Variants in NPAS3 observed in about 807,000 individuals in gnomAD.
NPAS3 encodes the protein neuronal PAS domain-containing protein 3.
NPAS3 carries 14 observed loss-of-function variants against 73.1 expected under a neutral mutation model. The ratio of observed to expected loss-of-function variants is 0.19; its 90% CI spans 0.13 to 0.30. NPAS3 has a LOEUF of 0.30. Ranked by LOEUF, NPAS3 falls within the 10% of genes least tolerant of loss-of-function variation. The pLI is 1.00. For synonymous variants in NPAS3, 620 were observed against 541.5 expected (o/e 1.14, Z -2.01); for missense variants, 1,096 against 1,250.0 (o/e 0.88, Z 1.86).
At chr14:33,059,329 G>A (rs977127746) in intron 2 of NPAS3, among the ~76,000 whole-genome samples, 1 of 152,094 alleles carries the variant, frequency 6.6e-6, no homozygotes, top group Non-Finnish European at 1.5e-5. Flanking sequence ...AAACAAGCAG[G>A]AATATAAAAC....
chr14:32,962,557 CT>C (rs1365128018), intron 1 of NPAS3, among the ~76,000 whole-genome samples: 2 of 132,840 alleles, frequency 1.5e-5, no homozygotes, highest in Admixed American at 7.4e-5. Context: ...TTCTTTCTTT[CT>C]TTTTTCTTTT....
chr14:33,231,528 A>G (rs535007824), intron 3 of NPAS3, among the ~76,000 whole-genome samples: 32 of 152,264 alleles, frequency 2.1e-4, no homozygotes, highest in South Asian at 1.0e-3. Context: ...TTAATGTTCT[A>G]GTATGGTGAT....
At chr14:32,951,456 G>A (rs1397736899) in intron 1 of NPAS3, among the ~76,000 whole-genome samples, 10 of 151,958 alleles carry the variant, frequency 6.6e-5, no homozygotes, top group Admixed American at 5.3e-4. Context: ...ATCTTTGAAA[G>A]GAAACATCTT....
chr14:33,458,009 C>T (rs2050098949), intron 4 of NPAS3, among the ~76,000 whole-genome samples: 1 of 152,182 alleles, frequency 6.6e-6, no homozygotes, highest in Non-Finnish European at 1.5e-5. Flanking sequence ...TGTGTTTTTA[C>T]ATCTGGCATA....
chr14:33,315,018 G>A (rs1417826585), intron 3 of NPAS3, among the ~76,000 whole-genome samples: 2 of 151,980 alleles, frequency 1.3e-5, no homozygotes, highest in Non-Finnish European at 2.9e-5. Flanking sequence ...ATCATCAAAG[G>A]GCAACATGGC....
intron 2 of NPAS3, among the ~76,000 whole-genome samples, chr14:33,195,186 A>G (rs1456368745): frequency 6.6e-6 from 1 of 152,124 alleles, no homozygotes; most frequent in Non-Finnish European, 1.5e-5. Flanking sequence ...GCATACTTAA[A>G]AAATGCAAGC....
chr14:32,988,613 G>A (rs1336496386), intron 1 of NPAS3, among the ~76,000 whole-genome samples: 1 of 152,142 alleles, frequency 6.6e-6, no homozygotes. Context: ...GGACCCTGGA[G>A]GTTGAATCTG....
At chr14:33,207,997 A>G (rs1958023) in intron 2 of NPAS3, among the ~76,000 whole-genome samples, 51,387 of 151,980 alleles carry the variant, frequency 0.34, 9,037 homozygotes, top group East Asian at 0.55. Flanking sequence ...TCAATTGTGA[A>G]GTGATTAGCT....
chr14:33,399,423 A>G (rs1469374019), intron 4 of NPAS3, among the ~76,000 whole-genome samples: 2 of 152,088 alleles, frequency 1.3e-5, no homozygotes, highest in African/African-American at 4.8e-5. Flanking sequence ...AAGAGCAACA[A>G]GGAGAATGAG....
At chr14:32,958,776 A>G (rs1200671671) in intron 1 of NPAS3, among the ~76,000 whole-genome samples, 1 of 152,256 alleles carries the variant, frequency 6.6e-6, no homozygotes, top group African/African-American at 2.4e-5. Context: ...TCAGTATATT[A>G]TACATGAAAT....
At chr14:33,403,945 T>A (rs557652913) in intron 4 of NPAS3, among the ~76,000 whole-genome samples, 26 of 152,150 alleles carry the variant, frequency 1.7e-4, no homozygotes, top group Non-Finnish European at 3.5e-4. Flanking sequence ...ACCAATTTAA[T>A]TAAGCAGTAA....
intron 1 of NPAS3, among the ~76,000 whole-genome samples, chr14:33,026,175 T>G (rs1188564153): frequency 6.6e-6 from 1 of 152,204 alleles, no homozygotes; most frequent in Admixed American, 6.5e-5. Context: ...CATTATTCCA[T>G]GCAAAAACAT....
chr14:33,357,997 G>A (rs2045416711), intron 3 of NPAS3, among the ~76,000 whole-genome samples: 1 of 152,182 alleles, frequency 6.6e-6, no homozygotes, highest in Admixed American at 6.5e-5. Flanking sequence ...TTTAGTCTGT[G>A]TAGTTGTCTC....
intron 2 of NPAS3, among the ~76,000 whole-genome samples, chr14:33,079,906 C>T (rs953997136): frequency 6.6e-6 from 1 of 152,102 alleles, no homozygotes; most frequent in Non-Finnish European, 1.5e-5. Context: ...AGCTATCGCG[C>T]CCAGTTGAAT....
At chr14:33,699,562 T>C (rs934029711) in intron 6 of NPAS3, among the ~76,000 whole-genome samples, 2 of 152,204 alleles carry the variant, frequency 1.3e-5, no homozygotes, top group South Asian at 2.1e-4. Context: ...CTGTAACCTC[T>C]GGCAACAAAT....
chr14:33,077,255 C>T (rs1336720530), intron 2 of NPAS3, among the ~76,000 whole-genome samples: 1 of 152,106 alleles, frequency 6.6e-6, no homozygotes, highest in Non-Finnish European at 1.5e-5. Flanking sequence ...CAGAAGAGGT[C>T]TTGCTGAAAG....
At chr14:32,989,461 G>A (rs982359636) in intron 1 of NPAS3, among the ~76,000 whole-genome samples, 4 of 152,068 alleles carry the variant, frequency 2.6e-5, no homozygotes, top group Non-Finnish European at 5.9e-5. Flanking sequence ...TGGCTAACAC[G>A]GTGAAACCCC....
At chr14:32,997,861 C>A (rs2038647401) in intron 1 of NPAS3, among the ~76,000 whole-genome samples, 2 of 152,122 alleles carry the variant, frequency 1.3e-5, no homozygotes, top group Non-Finnish European at 2.9e-5. Flanking sequence ...TCCATTAAAC[C>A]TCTTTCCTTT....
intron 4 of NPAS3, among the ~76,000 whole-genome samples, chr14:33,482,520 G>C (rs1728321836): frequency 6.6e-6 from 1 of 152,162 alleles, no homozygotes; most frequent in African/African-American, 2.4e-5. Context: ...ACGTGGTGGA[G>C]ATAGGAGATG....
Sources: allele counts gnomAD v4.1 joint callset (sites outside exome capture counted in the v4.1 genomes callset), GRCh38; gene constraint gnomAD v4.1.1; transcripts MANE v1.5; gene names NCBI Gene and HGNC (gene_info 2026-07-23, HGNC 2026-07-21).